Variants in TUFT1 observed in about 807,000 individuals in gnomAD.
TUFT1 encodes tuftelin.
In TUFT1, 43 loss-of-function variants were observed where a neutral mutation model predicts 57.8. The observed-to-expected ratio is 0.74, with a 90% CI of 0.58 to 0.96. The LOEUF is 0.96. Among genes scored for constraint, TUFT1 ranks in the 40% least tolerant of loss-of-function variants. The pLI is 0.00. For synonymous variants in TUFT1, 166 were observed against 176.7 expected (o/e 0.94, Z 0.48); for missense variants, 459 against 489.0 (o/e 0.94, Z 0.58).
chr1:151,575,129 C>T (rs1403862635), intron 9 of TUFT1, 124 bp downstream of exon 9: 3 of 836,046 alleles, frequency 3.6e-6, no homozygotes, highest in African/African-American at 1.7e-5. Context: ...TCAGATCTTC[C>T]AGCTCTGACT....
In TUFT1 at chr1:151,569,717, G is replaced by A. The variant is rs1397180282; in HGVS notation, c.541G>A (p.Ala181Thr). 1 of 1,613,938 alleles carries A rather than the reference G, an allele frequency of 6.2e-7. No homozygotes were observed. The highest frequency in any genetic ancestry group is 2.2e-5 in the East Asian group (1 of 44,886). The change falls in exon 7 of 13, where the codon GCC becomes ACC. Residue 181 changes from alanine to threonine, a missense_variant. Transcript: ENST00000368849. ...GAGGAAGACGGTGCAGGACTTGCTG[G>A]CCAAGCTTCAGGAGGCCAAGCGGCA... The part of the protein sequence containing the change: ...SLRKTVQDLL[A>T]KLQEAKRQHQ...
rs1232359332 is a variant in TUFT1, at chr1:151,540,409, C to T, written c.43C>T (p.Pro15Ser). The T allele has an allele frequency of 1.2e-6, 2 of 1,614,060 alleles. No individual in the cohort carries two copies. The highest frequency in any genetic ancestry group is 1.3e-5 in the African/African-American group (1 of 74,942). The change falls in exon 1 of 13, where the codon CCA becomes TCA. Residue 15 changes from proline (P) to serine (S), a missense_variant. Physicochemically the swap from Pro to Ser is moderately conservative, Grantham distance 74 (BLOSUM62 -1). Transcript: ENST00000368849. ...CTGGTGTACCCTGGTGGACGTGCAC[C>T]CAGAGGACCAGGCGGCGGTAAGAAA... is the stretch of plus-strand genomic sequence containing the variant. ...RNWCTLVDVH[P>S]EDQAAGSVDI...
At chr1:151,567,080 T>G (rs778230901) in intron 6 of TUFT1, among the ~76,000 whole-genome samples, 1 of 152,166 alleles carries the variant, frequency 6.6e-6, no homozygotes, top group African/African-American at 2.4e-5. Context: ...CCATTATGCC[T>G]GGCTAATTTT....
intron 9 of TUFT1, 45 bp from the exon 10 acceptor site, chr1:151,578,676 A>G (rs771063719): frequency 7.4e-6 from 11 of 1,493,332 alleles, no homozygotes; most frequent in Non-Finnish European, 1.0e-5. Context: ...TGGGTAAATA[A>G]GTGATCTTGT....
At chr1:151,572,536 ACTTTT>A (rs1431875759) in intron 7 of TUFT1, among the ~76,000 whole-genome samples, 1 of 152,132 alleles carries the variant, frequency 6.6e-6, no homozygotes, top group Non-Finnish European at 1.5e-5. Flanking sequence ...AAAAGGCCTT[ACTTTT>A]AAGTTCCTGC....
At chr1:151,566,468 G>C (rs1376250727) in intron 6 of TUFT1, among the ~76,000 whole-genome samples, 1 of 152,172 alleles carries the variant, frequency 6.6e-6, no homozygotes, top group Admixed American at 6.5e-5. Flanking sequence ...CTAGGGCAGT[G>C]CTTCTCAGCC....
intron 11 of TUFT1, 62 bp from the exon 12 acceptor site, chr1:151,580,880 C>T: frequency 6.8e-7 from 1 of 1,461,684 alleles, no homozygotes. Context: ...AATGCACTAG[C>T]TGAACGTGGC....
At chr1:151,556,359 C>T (rs1665697169) in intron 1 of TUFT1, among the ~76,000 whole-genome samples, 1 of 151,336 alleles carries the variant, frequency 6.6e-6, no homozygotes, top group African/African-American at 2.4e-5. Context: ...CCTTTCCCTC[C>T]CTGCCTTCCC....
In TUFT1 at chr1:151,576,466, G is replaced by T. The variant is rs74706819; in HGVS notation, c.818+1461G>T. Among the ~76,000 whole-genome samples, 1,330 of 152,300 alleles carry T rather than the reference G, an allele frequency of 8.7e-3. 48 individuals are homozygous for T. The East Asian group carries it at 0.11, about 12-fold the overall frequency. ...GAACCACAGATTAAGGGCCAGTCCT[G>T]CAAGACTGCCCCTGCTTCAGATGCC... On this transcript the variant is annotated intron_variant, in intron 9 of 12. Transcript: ENST00000368849.
At chr1:151,566,098 A>C in intron 5 of TUFT1, 65 bp from the exon 6 acceptor site, 1 of 1,102,702 alleles carries the variant, frequency 9.1e-7, no homozygotes, top group South Asian at 1.3e-5. Context: ...GTGTTAGGAG[A>C]ATAATGTTTC....
At chr1:151,579,520 G>T (rs1018802353) in intron 10 of TUFT1, 129 bp from the exon 11 acceptor site, 3 of 805,262 alleles carry the variant, frequency 3.7e-6, no homozygotes, top group Non-Finnish European at 4.0e-6. Flanking sequence ...GGAGGCCTTT[G>T]TAGAAAAGCT....
At chr1:151,557,240 CT>C (rs1050228860) in intron 1 of TUFT1, among the ~76,000 whole-genome samples, 77 of 152,098 alleles carry the variant, frequency 5.1e-4, no homozygotes, top group Admixed American at 3.0e-3. Flanking sequence ...GAAGAGAAAC[CT>C]TTCCTTCCTT....
chr1:151,545,919 C>G (rs368031544), intron 1 of TUFT1: 1 of 523,754 alleles, frequency 1.9e-6, no homozygotes, highest in Non-Finnish European at 4.0e-6. Flanking sequence ...ACCTCATGAC[C>G]AAGGCAGCTG....
At chr1:151,576,285 A>G (rs898798610) in intron 9 of TUFT1, among the ~76,000 whole-genome samples, 1 of 152,176 alleles carries the variant, frequency 6.6e-6, no homozygotes. Flanking sequence ...TACTCTCCCA[A>G]GTAGCCTGAC....
At chr1:151,564,348 C>G (rs1051606459) in intron 4 of TUFT1, among the ~76,000 whole-genome samples, 177 bp from the exon 5 acceptor site, 2 of 152,188 alleles carry the variant, frequency 1.3e-5, no homozygotes, top group Non-Finnish European at 2.9e-5. Context: ...TGTGTCTCCC[C>G]AACAAGAATG....
chr1:151,581,444 A>G (rs1666643149), intron 12 of TUFT1, among the ~76,000 whole-genome samples, 200 bp from the exon 13 acceptor site: 1 of 152,094 alleles, frequency 6.6e-6, no homozygotes, highest in South Asian at 2.1e-4. Context: ...CCTTGCTACA[A>G]GACACATGTA....
Position 151,566,198 on chromosome 1 carries a change from T to C in TUFT1, c.450T>C (p.Ser150=). Residue 150 remains serine (S), a synonymous_variant, in exon 6 of 13, where the codon AGT becomes AGC. Coordinates refer to ENST00000368849, the MANE Select transcript of TUFT1 (RefSeq NM_020127.3). ...AAAAGCCAAATGGCTTTAGTCAGAG[T>C]CCCACAGCCCTGTACAGCAGCCCAC... is the stretch of plus-strand genomic sequence containing the variant. ...VLEKPNGFSQ[S]PTALYSSPPE... is the part of the protein sequence containing the mutation. 6.2e-7 allele frequency: 1 copy of C among 1,611,908 alleles called. No individual in the cohort carries two copies. The highest frequency in any genetic ancestry group is 8.5e-7 in the Non-Finnish European group (1 of 1,179,310).
chr1:151,549,566 A>G (rs1442508946), intron 1 of TUFT1, among the ~76,000 whole-genome samples: 2 of 152,226 alleles, frequency 1.3e-5, no homozygotes, highest in African/African-American at 4.8e-5. Flanking sequence ...TCACTTTTAC[A>G]TCATTCTTGC....
At chr1:151,566,523 T>C (rs1175460487) in intron 6 of TUFT1, among the ~76,000 whole-genome samples, 1 of 152,206 alleles carries the variant, frequency 6.6e-6, no homozygotes, top group Non-Finnish European at 1.5e-5. Context: ...AAGGATATGA[T>C]GCCTGGGTCC....
Sources: allele counts gnomAD v4.1 joint callset (sites outside exome capture counted in the v4.1 genomes callset), GRCh38; gene constraint gnomAD v4.1.1; transcripts MANE v1.5; gene names NCBI Gene and HGNC (gene_info 2026-07-23, HGNC 2026-07-21).